The following FMN1 variants were observed in gnomAD, a reference collection of about 807,000 sequenced individuals.
FMN1 encodes the protein formin-1.
A neutral mutation model predicts 132.4 loss-of-function variants in FMN1; 110 were observed. That is an observed-to-expected ratio of 0.83 (90% CI 0.71 to 0.97). The LOEUF (loss-of-function observed/expected upper bound fraction) is 0.97, where lower values mean the gene tolerates loss of function less well. FMN1 is among the 50% of genes least tolerant of loss of function. FMN1 has a pLI of 0.00. For missense variants in FMN1, 1,792 were observed against 1,705.3 expected (o/e 1.05, Z -0.90); for synonymous variants, 722 against 651.7 (o/e 1.11, Z -1.64).
intron 9 of FMN1, among the ~76,000 whole-genome samples, chr15:32,955,078 A>C (rs1285186260): frequency 1.3e-5 from 2 of 152,224 alleles, no homozygotes; most frequent in African/African-American, 4.8e-5. Context: ...CAACCCCTCT[A>C]AACTCCAGTT....
intron 6 of FMN1, among the ~76,000 whole-genome samples, chr15:33,026,410 TCACACACACA>T (rs71113496): frequency 2.9e-5 from 4 of 140,116 alleles, no homozygotes; most frequent in African/African-American, 7.9e-5. Flanking sequence ...GTCCAAATTT[TCACACACACA>T]CACACACACA....
intron 17 of FMN1, among the ~76,000 whole-genome samples, chr15:32,804,943 C>T (rs2057625282): frequency 6.6e-6 from 1 of 152,114 alleles, no homozygotes. Context: ...CAAGTCTTTG[C>T]TATTGTGAAT....
chr15:32,798,683 T>A, intron 19 of FMN1, 121 bp downstream of exon 19: 4 of 935,536 alleles, frequency 4.3e-6, no homozygotes, highest in Middle Eastern at 3.3e-4. Context: ...GTCCTTCCCC[T>A]ATGACCACTT....
At position 32,810,678 on chromosome 15, in the gene FMN1, AAGG is replaced by A. The variant is rs148244899; in HGVS notation, c.3929-6349_3929-6347del. On this transcript the variant is annotated intron_variant, in intron 17 of 20. Transcript: ENST00000616417. Reference sequence around the variant, plus strand: ...GGCATTCATACAATGAGAGTGGCTGAAGGAGGAGGCCACTCTTTAAAGAAAGTG... The same window carrying A: ...GGCATTCATACAATGAGAGTGGCTGAAGGAGGCCACTCTTTAAAGAAAGTG... Among the ~76,000 whole-genome samples the A allele has an allele frequency of 2.6e-5, 4 of 152,344 alleles. No individual in the cohort carries two copies. The East Asian group carries it at 5.8e-4, about 22-fold the overall frequency.
chr15:32,790,378 A>G (rs1358795886), intron 19 of FMN1, among the ~76,000 whole-genome samples: 2 of 152,218 alleles, frequency 1.3e-5, no homozygotes, highest in Non-Finnish European at 2.9e-5. Flanking sequence ...GAAGGTGTCA[A>G]TCTCTGATCT....
intron 9 of FMN1, among the ~76,000 whole-genome samples, chr15:32,951,748 T>C (rs1001350784): frequency 6.6e-6 from 1 of 152,190 alleles, no homozygotes; most frequent in African/African-American, 2.4e-5. Flanking sequence ...TATTACTCTT[T>C]CTTTACAGAT....
chr15:33,162,570 C>T (rs574550533), intron 3 of FMN1, among the ~76,000 whole-genome samples: 22 of 152,146 alleles, frequency 1.4e-4, no homozygotes, highest in East Asian at 3.9e-4. Context: ...GAGGAAGAAA[C>T]GTAATACAGG....
intron 6 of FMN1, among the ~76,000 whole-genome samples, chr15:33,053,690 T>C (rs1020601801): frequency 6.6e-6 from 1 of 152,118 alleles, no homozygotes; most frequent in Non-Finnish European, 1.5e-5. Flanking sequence ...AAAAATGCTG[T>C]CTGTATTGTT....
intron 7 of FMN1, among the ~76,000 whole-genome samples, chr15:32,999,496 T>C (rs992075575): frequency 6.6e-6 from 1 of 152,224 alleles, no homozygotes; most frequent in Non-Finnish European, 1.5e-5. Context: ...AGGTACAATG[T>C]AAGTTAATTT....
intron 17 of FMN1, among the ~76,000 whole-genome samples, chr15:32,852,846 A>C (rs2059040524): frequency 6.6e-6 from 1 of 152,206 alleles, no homozygotes; most frequent in African/African-American, 2.4e-5. Flanking sequence ...CCTGTCAGAC[A>C]AAGTTCAGAT....
At chr15:32,808,996 A>G (rs2057777978) in intron 17 of FMN1, among the ~76,000 whole-genome samples, 1 of 151,864 alleles carries the variant, frequency 6.6e-6, no homozygotes, top group South Asian at 2.1e-4. Flanking sequence ...TGTCTGACCT[A>G]AAGTCATTTT....
intron 6 of FMN1, among the ~76,000 whole-genome samples, chr15:33,030,534 T>G (rs2035887664): frequency 6.6e-6 from 1 of 152,336 alleles, no homozygotes; most frequent in South Asian, 2.1e-4. Context: ...ATGGGGACAT[T>G]AGGATCTGGT....
At chr15:32,869,949 G>T (rs541386812) in intron 16 of FMN1, among the ~76,000 whole-genome samples, 2 of 152,156 alleles carry the variant, frequency 1.3e-5, no homozygotes, top group Non-Finnish European at 2.9e-5. Context: ...GGTAAATGGA[G>T]AAAGATTCTG....
At chr15:32,918,839 T>TG (rs139603572) in intron 10 of FMN1, among the ~76,000 whole-genome samples, 1 of 152,290 alleles carries the variant, frequency 6.6e-6, no homozygotes, top group East Asian at 1.9e-4. Context: ...TGCCACCCTC[T>TG]GCTTTCTGGA....
At chr15:32,785,194 G>GTATATATATA (rs1567162778) in intron 19 of FMN1, among the ~76,000 whole-genome samples, 1 of 21,536 alleles carries the variant, frequency 4.6e-5, no homozygotes, top group African/African-American at 1.4e-4. Flanking sequence ...GTGTGTGTGT[G>GTATATATATA]TGTGTGTATA....
chr15:33,005,486 T>C (rs951996994), intron 7 of FMN1, among the ~76,000 whole-genome samples: 1 of 152,236 alleles, frequency 6.6e-6, no homozygotes, highest in Non-Finnish European at 1.5e-5. Context: ...ACTTTCCTTC[T>C]TCCATATACT....
intron 7 of FMN1, among the ~76,000 whole-genome samples, chr15:32,971,245 T>C (rs969091026): frequency 4.6e-5 from 7 of 152,280 alleles, no homozygotes; most frequent in African/African-American, 1.7e-4. Context: ...TGTTAGTTTC[T>C]GTTGCTAATG....
At chr15:33,114,861 C>A (rs1566928308) in intron 4 of FMN1, among the ~76,000 whole-genome samples, 2 of 152,160 alleles carry the variant, frequency 1.3e-5, no homozygotes, top group Non-Finnish European at 2.9e-5. Flanking sequence ...TTTTTCCCCT[C>A]CCTTATTTTG....
chr15:32,871,743 A>T (rs1485335920), intron 16 of FMN1, among the ~76,000 whole-genome samples: 1 of 152,254 alleles, frequency 6.6e-6, no homozygotes, highest in Non-Finnish European at 1.5e-5. Context: ...GGGTTGTACC[A>T]CAATGGGAGA....
Sources: allele counts gnomAD v4.1 joint callset (sites outside exome capture counted in the v4.1 genomes callset), GRCh38; gene constraint gnomAD v4.1.1; transcripts MANE v1.5; gene names NCBI Gene and HGNC (gene_info 2026-07-23, HGNC 2026-07-21).